The following NCKAP5 variants were observed in gnomAD, a reference collection of about 807,000 sequenced individuals.
NCKAP5 encodes NCK associated protein 5.
In NCKAP5, 92 loss-of-function variants were observed where a neutral mutation model predicts 167.0. The ratio of observed to expected loss-of-function variants is 0.55; its 90% CI spans 0.47 to 0.66. The LOEUF (loss-of-function observed/expected upper bound fraction) is 0.66, where lower values mean the gene tolerates loss of function less well. Among genes scored for constraint, NCKAP5 ranks in the 30% least tolerant of loss-of-function variants. The pLI is 0.00. For synonymous variants in NCKAP5, 891 were observed against 877.4 expected (o/e 1.02, Z -0.27); for missense variants, 2,378 against 2,315.0 (o/e 1.03, Z -0.56).
chr2:132,813,675 C>T, intron 11 of NCKAP5, among the ~76,000 whole-genome samples: 1 of 152,130 alleles, frequency 6.6e-6, no homozygotes, highest in East Asian at 1.9e-4. Flanking sequence ...GTGGGCCCTG[C>T]TCTTGCAACT....
intron 11 of NCKAP5, among the ~76,000 whole-genome samples, chr2:132,836,937 T>C (rs757971394): frequency 3.3e-5 from 5 of 152,210 alleles, no homozygotes; most frequent in Non-Finnish European, 5.9e-5. Flanking sequence ...GCACACTCTG[T>C]GGTAGCTTCC....
intron 2 of NCKAP5, among the ~76,000 whole-genome samples, chr2:133,554,103 C>T (rs893770979): frequency 6.6e-6 from 1 of 152,154 alleles, no homozygotes; most frequent in African/African-American, 2.4e-5. Context: ...TTCTTCGAGG[C>T]CAGCAGCAGA....
At chr2:132,821,013 T>G (rs764379084) in intron 11 of NCKAP5, among the ~76,000 whole-genome samples, 2 of 151,980 alleles carry the variant, frequency 1.3e-5, no homozygotes, top group Non-Finnish European at 2.9e-5. Context: ...TTGAGGTGAG[T>G]GAGATGGTGG....
intron 19 of NCKAP5, among the ~76,000 whole-genome samples, chr2:132,715,473 T>C (rs1689281755): frequency 6.6e-6 from 1 of 152,142 alleles, no homozygotes; most frequent in Non-Finnish European, 1.5e-5. Context: ...ACATTTTTTT[T>C]CTCCATTTTT....
chr2:133,200,456 C>T (rs564201907), intron 5 of NCKAP5, among the ~76,000 whole-genome samples: 2 of 151,864 alleles, frequency 1.3e-5, no homozygotes, highest in South Asian at 4.2e-4. Context: ...TTCCTTAAGC[C>T]ACACAAAAAA....
At chr2:132,878,173 G>A (rs1340446953) in intron 9 of NCKAP5, among the ~76,000 whole-genome samples, 1 of 152,150 alleles carries the variant, frequency 6.6e-6, no homozygotes, top group African/African-American at 2.4e-5. Flanking sequence ...AGGGCTCTGA[G>A]CGCATGTCTG....
At chr2:133,044,790 C>A (rs2149466142) in intron 6 of NCKAP5, among the ~76,000 whole-genome samples, 1 of 152,248 alleles carries the variant, frequency 6.6e-6, no homozygotes, top group South Asian at 2.1e-4. Flanking sequence ...GTTCTTCGGA[C>A]CAGGCATGTT....
At chr2:132,754,704 A>G (rs925532213) in intron 16 of NCKAP5, among the ~76,000 whole-genome samples, 5 of 152,222 alleles carry the variant, frequency 3.3e-5, no homozygotes, top group Non-Finnish European at 5.9e-5. Context: ...ATAATTTGGG[A>G]ACTACTAAGG....
At chr2:132,973,641 T>C (rs569841008) in intron 7 of NCKAP5, among the ~76,000 whole-genome samples, 37 of 152,262 alleles carry the variant, frequency 2.4e-4, no homozygotes, top group African/African-American at 8.4e-4. Flanking sequence ...AGATTAGACC[T>C]GCCTAGAAGA....
At chr2:132,888,665 A>G (rs945779844) in intron 8 of NCKAP5, among the ~76,000 whole-genome samples, 4 of 152,212 alleles carry the variant, frequency 2.6e-5, no homozygotes, top group African/African-American at 9.6e-5. Context: ...TGCTGGGATT[A>G]CAGGCGTGAG....
At chr2:133,298,789 C>A (rs868593232) in intron 4 of NCKAP5, among the ~76,000 whole-genome samples, 3 of 151,808 alleles carry the variant, frequency 2.0e-5, no homozygotes, top group African/African-American at 7.3e-5. Flanking sequence ...ATATACTTTC[C>A]AAGAGATCTA....
chr2:132,759,059 T>G (rs1680788078), intron 16 of NCKAP5, among the ~76,000 whole-genome samples: 1 of 152,204 alleles, frequency 6.6e-6, no homozygotes, highest in Admixed American at 6.5e-5. Context: ...CTTACCATAT[T>G]GTTTAGTTTT....
intron 3 of NCKAP5, among the ~76,000 whole-genome samples, chr2:133,325,224 A>G (rs1682351215): frequency 6.6e-6 from 1 of 152,188 alleles, no homozygotes; most frequent in African/African-American, 2.4e-5. Flanking sequence ...AACTGTACAC[A>G]GGGAAAGAGC....
chr2:133,499,202 G>C (rs1682253588), intron 3 of NCKAP5, among the ~76,000 whole-genome samples: 1 of 152,212 alleles, frequency 6.6e-6, no homozygotes, highest in Admixed American at 6.5e-5. Context: ...AAAGGAATAT[G>C]AGCTGTTTTT....
At chr2:133,580,053 G>A in the NCKAP5 span, among the ~76,000 whole-genome samples, 14 of 152,230 alleles carry the variant, frequency 9.2e-5, no homozygotes, top group East Asian at 1.2e-3. Context: ...CCAGTGGCCC[G>A]TCATTAGCAC....
At position 132,920,710 on chromosome 2, in the gene NCKAP5, TA is replaced by T. The variant is rs1558942616; in HGVS notation, c.580-41795del. ...GTTTATATATATATATACGTATATG[TA>T]TATATATGTATATATATATATGTAT... On this transcript the variant is annotated intron_variant, in intron 8 of 19. Transcript: ENST00000409261. Among the ~76,000 whole-genome samples, 55 of 97,220 alleles carry T rather than the reference TA, an allele frequency of 5.7e-4. 1 individual carries two copies. Among genetic ancestry groups the T allele is most frequent in the African/African-American group, 2.1e-3 (43 of 20,560 alleles). The allele number at this position is 97,220 out of a possible 152,430, so 63.8% of individuals were successfully genotyped here.
intron 7 of NCKAP5, among the ~76,000 whole-genome samples, chr2:132,966,730 G>T (rs1263398539): frequency 6.6e-6 from 1 of 152,054 alleles, no homozygotes; most frequent in Admixed American, 6.5e-5. Flanking sequence ...TGACCTAACA[G>T]CCAACAGCAC....
At chr2:133,389,269 C>T (rs1044736925) in intron 3 of NCKAP5, among the ~76,000 whole-genome samples, 4 of 152,296 alleles carry the variant, frequency 2.6e-5, no homozygotes, top group South Asian at 2.1e-4. Context: ...TGCAAAATGG[C>T]GTCTTCTTGA....
chr2:133,014,460 A>G (rs2078266512), intron 6 of NCKAP5, among the ~76,000 whole-genome samples: 2 of 152,170 alleles, frequency 1.3e-5, no homozygotes, highest in East Asian at 1.9e-4. Flanking sequence ...AACCTAATCT[A>G]TATGATTCAT....
Sources: gnomAD v4.1 joint callset for allele counts (sites outside exome capture counted in the v4.1 genomes callset) on GRCh38, gnomAD v4.1.1 for gene constraint, MANE v1.5 for transcripts, NCBI Gene and HGNC (gene_info 2026-07-23, HGNC 2026-07-21) for gene names.